MBNL3: variants seen among roughly 807,000 people sequenced by gnomAD.
MBNL3 encodes muscleblind like splicing regulator 3, also known as muscleblind-like protein 3.
In MBNL3, 6 loss-of-function variants were observed where a neutral mutation model predicts 24.5. That is an observed-to-expected ratio of 0.25 (90% CI 0.13 to 0.48). MBNL3 has a LOEUF of 0.48. MBNL3 is among the 20% of genes least tolerant of loss of function. The pLI is 0.99. For synonymous variants in MBNL3, 100 were observed against 101.7 expected, an observed-to-expected ratio of 0.98 and a Z score of 0.10; for missense variants, 230 against 293.5, an observed-to-expected ratio of 0.78 and a Z score of 1.58.
chrX:132,390,265 C>CAAAA (rs59093044), intron 5 of MBNL3, among the ~76,000 whole-genome samples: 17 of 31,598 alleles, frequency 5.4e-4, no homozygotes, highest in Non-Finnish European at 5.8e-4. Flanking sequence ...ACAACAACAA[C>CAAAA]AAAAAAAAAA....
In MBNL3 at chrX:132,460,511, A is replaced by G. The variant is rs148527225; in HGVS notation, c.-703-20197T>C. ...TCTATAAAATGGTGGCAGTAATAGT[A>G]TCTATCTCCTAGGGTTGTTTTGTAG... On this transcript the variant is annotated intron_variant, in intron 1 of 8. Transcript: ENST00000370853. Among the ~76,000 whole-genome samples the G allele has an allele frequency of 8.1e-3, 909 of 111,671 alleles. 5 individuals carry two copies. Among genetic ancestry groups the G allele is most frequent in the African/African-American group, 0.028 (861 of 30,784 alleles).
chrX:132,453,951 G>A (rs755673761), intron 1 of MBNL3, among the ~76,000 whole-genome samples: 1 of 111,109 alleles, frequency 9.0e-6, no homozygotes, highest in Non-Finnish European at 1.9e-5. Context: ...AATTATCTGG[G>A]CATGATGGCA....
chrX:132,438,257 C>T (rs1245976302), intron 2 of MBNL3, among the ~76,000 whole-genome samples: 2 of 111,840 alleles, frequency 1.8e-5, no homozygotes, highest in Non-Finnish European at 3.8e-5. Flanking sequence ...GACTGGAGTC[C>T]CATCCCCAAG....
chrX:132,425,293 C>T (rs1944212041), intron 2 of MBNL3, among the ~76,000 whole-genome samples: 1 of 111,737 alleles, frequency 8.9e-6, no homozygotes, highest in African/African-American at 3.3e-5. Flanking sequence ...TGGAGAAAGT[C>T]TAAGAGACTG....
At chrX:132,414,137 G>A (rs1943081763) in intron 2 of MBNL3, among the ~76,000 whole-genome samples, 2 of 112,186 alleles carry the variant, frequency 1.8e-5, no homozygotes, top group African/African-American at 3.2e-5. Flanking sequence ...CATTAAAAGA[G>A]AGCACAAAGT....
In MBNL3 at chrX:132,454,248, TAC is replaced by T. The variant is rs757255246; in HGVS notation, c.-703-13936_-703-13935del. Among the ~76,000 whole-genome samples the T allele has an allele frequency of 1.0e-4, 11 of 107,924 alleles. No homozygotes were observed. The South Asian group carries it at 1.6e-3, about 16-fold the overall frequency. The allele number at this position is 107,924 out of a possible 115,157, so 93.7% of individuals were successfully genotyped here. ...ACCAACACACACACACACACACACATACACACACACACACATATCAAAAGCTA... is the reference window on the plus strand; with the variant it reads ...ACCAACACACACACACACACACACATACACACACACACATATCAAAAGCTA... On this transcript the variant is annotated intron_variant, in intron 1 of 8. Transcript: ENST00000370853.
intron 1 of MBNL3, among the ~76,000 whole-genome samples, chrX:132,480,065 G>A (rs960474800): frequency 3.6e-5 from 4 of 111,231 alleles, no homozygotes; most frequent in African/African-American, 1.3e-4. Context: ...ACCCAGCCTC[G>A]ATCTTATTCT....
At chrX:132,384,974 A>G (rs1303187887) in intron 6 of MBNL3, among the ~76,000 whole-genome samples, 1 of 111,719 alleles carries the variant, frequency 9.0e-6, no homozygotes, top group Non-Finnish European at 1.9e-5. Context: ...TATTGTGGAC[A>G]AATACATCCT....
At chrX:132,473,639 A>C (rs905682990) in intron 1 of MBNL3, among the ~76,000 whole-genome samples, 10 of 111,177 alleles carry the variant, frequency 9.0e-5, no homozygotes, top group African/African-American at 2.6e-4. Flanking sequence ...CACAAAAAAA[A>C]CCCATATGTA....
chrX:132,413,811 CCCGTAACT>C (rs1224062688), intron 2 of MBNL3, among the ~76,000 whole-genome samples: 2 of 111,576 alleles, frequency 1.8e-5, no homozygotes, highest in African/African-American at 6.5e-5. Flanking sequence ...CCTGCCTAAA[CCCGTAACT>C]CCGAATTTAC....
chrX:132,466,198 A>C (rs1297633429), intron 1 of MBNL3, among the ~76,000 whole-genome samples: 4 of 112,565 alleles, frequency 3.6e-5, no homozygotes, highest in African/African-American at 9.7e-5. Flanking sequence ...CTTAGACATA[A>C]GACAGTGAAA....
chrX:132,467,234 C>T (rs1368468147), intron 1 of MBNL3, among the ~76,000 whole-genome samples: 1 of 111,510 alleles, frequency 9.0e-6, no homozygotes, highest in Admixed American at 9.5e-5. Flanking sequence ...AGACACAGCC[C>T]TCCTTAAGTC....
chrX:132,395,302 T>C (rs768816983), intron 3 of MBNL3, among the ~76,000 whole-genome samples: 36 of 111,686 alleles, frequency 3.2e-4, no homozygotes, highest in African/African-American at 1.1e-3. Context: ...TGTCTCTATA[T>C]ATATCTCAGC....
At chrX:132,463,789 CTCAA>C (rs1334414208) in intron 1 of MBNL3, among the ~76,000 whole-genome samples, 3 of 112,272 alleles carry the variant, frequency 2.7e-5, no homozygotes, top group Non-Finnish European at 3.8e-5. Context: ...ATTATTAGAA[CTCAA>C]TCAATTGCAT....
At chrX:132,476,195 A>C (rs1188827413) in intron 1 of MBNL3, among the ~76,000 whole-genome samples, 1 of 111,257 alleles carries the variant, frequency 9.0e-6, no homozygotes, top group Non-Finnish European at 1.9e-5. Flanking sequence ...CCTGGATCTG[A>C]GATGATCAAG....
intron 1 of MBNL3, among the ~76,000 whole-genome samples, chrX:132,462,413 G>C (rs1278673883): frequency 2.7e-5 from 3 of 112,364 alleles, no homozygotes; most frequent in Non-Finnish European, 5.6e-5. Context: ...TTGCAAAGCA[G>C]ACTGTAAAAC....
rs1233550709 is a variant in MBNL3 at position 132,384,681 on chromosome X, C to T, written c.940G>A (p.Ala314Thr). 8 of 1,194,245 alleles carry T rather than the reference C, an allele frequency of 6.7e-6. No homozygotes were observed. The Admixed American group carries it at 1.8e-4, about 27-fold the overall frequency. Residue 314 changes from alanine to threonine, a missense_variant, in exon 7 of 9, where the codon GCA (alanine) becomes ACA (threonine). Ala to Thr is a moderately conservative substitution (Grantham distance 58). Coordinates refer to ENST00000370853, the MANE Select transcript of MBNL3 (RefSeq NM_001386889.1). The part of the protein sequence containing the change: ...FIPAGPILCM[A>T]PASNIVPMMH... Reference sequence around the variant, plus strand: ...AACCTACCAATATTTGAAGCGGGTGCCATGCACAGTATTGGCCCTGTACAC... The same window carrying T: ...AACCTACCAATATTTGAAGCGGGTGTCATGCACAGTATTGGCCCTGTACAC...
chrX:132,462,976 C>T (rs1040706734), intron 1 of MBNL3, among the ~76,000 whole-genome samples: 1 of 111,251 alleles, frequency 9.0e-6, no homozygotes, highest in Non-Finnish European at 1.9e-5. Flanking sequence ...GCATAGGGCC[C>T]AGAGCTTTTT....
At chrX:132,464,915 T>C (rs1762553091) in intron 1 of MBNL3, among the ~76,000 whole-genome samples, 2 of 110,915 alleles carry the variant, frequency 1.8e-5, no homozygotes, top group Admixed American at 1.9e-4. Context: ...CGTGGTGGCA[T>C]GCATGTGTTA....
Sources: gnomAD v4.1 joint callset for allele counts (sites outside exome capture counted in the v4.1 genomes callset) on GRCh38, gnomAD v4.1.1 for gene constraint, MANE v1.5 for transcripts, NCBI Gene and HGNC (gene_info 2026-07-23, HGNC 2026-07-21) for gene names.